The following PXDNL variants were observed in gnomAD, a reference collection of about 807,000 sequenced individuals.
PXDNL encodes the protein peroxidasin like.
A neutral mutation model predicts 150.8 loss-of-function variants in PXDNL; 145 were observed. That is an observed-to-expected ratio of 0.96 (90% CI 0.84 to 1.10). The LOEUF (loss-of-function observed/expected upper bound fraction) is 1.10, where lower values mean the gene tolerates loss of function less well. PXDNL is among the 50% of genes least tolerant of loss of function. PXDNL has a pLI of 0.00. For missense variants in PXDNL, 2,087 were observed against 1,873.9 expected, an observed-to-expected ratio of 1.11 and a Z score of -2.10; for synonymous variants, 757 against 725.7, an observed-to-expected ratio of 1.04 and a Z score of -0.69.
Position 51,691,965 on chromosome 8 carries a change from T to A in PXDNL, c.165-37205A>T, listed in dbSNP as rs956987102. Among the ~76,000 whole-genome samples, 9 of 152,244 alleles carry A rather than the reference T, an allele frequency of 5.9e-5. 1 individual carries two copies. Among genetic ancestry groups the A allele is most frequent in the Middle Eastern group, 6.8e-3 (2 of 294 alleles). On this transcript the variant is annotated intron_variant, in intron 1 of 22. Coordinates refer to ENST00000356297, the MANE Select transcript of PXDNL (RefSeq NM_144651.5). The stretch of plus-strand genomic sequence containing the variant: ...TCTCCATTGAATTTATAACCTAAAT[T>A]TGAATTGTTCATAGGTAGAACCAAT...
intron 14 of PXDNL, 71 bp downstream of exon 14, chr8:51,423,504 A>G: frequency 7.5e-7 from 1 of 1,330,220 alleles, no homozygotes; most frequent in Non-Finnish European, 1.0e-6. Flanking sequence ...GAGATCAGTC[A>G]AATAGGATTG....
chr8:51,741,449 T>G (rs575736082), intron 1 of PXDNL, among the ~76,000 whole-genome samples: 4 of 152,030 alleles, frequency 2.6e-5, no homozygotes, highest in Admixed American at 1.3e-4. Context: ...CTTTTTTATC[T>G]TTGTTAGTTT....
At chr8:51,491,465 T>C (rs1183969254) in intron 5 of PXDNL, among the ~76,000 whole-genome samples, 1 of 152,170 alleles carries the variant, frequency 6.6e-6, no homozygotes, top group Non-Finnish European at 1.5e-5. Flanking sequence ...AAGGTTAAAA[T>C]AGATGCAAAT....
At position 51,560,024 on chromosome 8, in the gene PXDNL, T is replaced by C. The variant is rs192366554; in HGVS notation, c.309-3113A>G. 3.8e-3 allele frequency among the ~76,000 whole-genome samples: 581 copies of C among 151,918 alleles called. 1 individual carries two copies. Among genetic ancestry groups the C allele is most frequent in the African/African-American group, 0.013 (550 of 41,490 alleles). Reference sequence around the variant, plus strand: ...ATAGAAATTTTGATCAAAATCTAAATAAAAAATCAAAAAGATATTTCTCAA... The same window carrying C: ...ATAGAAATTTTGATCAAAATCTAAACAAAAAATCAAAAAGATATTTCTCAA... On this transcript the variant is annotated intron_variant, in intron 3 of 22. Transcript: ENST00000356297.
intron 1 of PXDNL, among the ~76,000 whole-genome samples, chr8:51,797,743 T>C (rs1435716389): frequency 6.6e-6 from 1 of 152,162 alleles, no homozygotes; most frequent in Non-Finnish European, 1.5e-5. Flanking sequence ...AAAATGGCCA[T>C]ACTGCCCAAA....
chr8:51,760,565 A>C (rs2037150725), intron 1 of PXDNL, among the ~76,000 whole-genome samples: 1 of 152,204 alleles, frequency 6.6e-6, no homozygotes, highest in Admixed American at 6.5e-5. Context: ...ATGTATTGCA[A>C]TGAGATTTAG....
intron 2 of PXDNL, among the ~76,000 whole-genome samples, chr8:51,643,059 A>C (rs1814809843): frequency 6.6e-6 from 1 of 152,202 alleles, no homozygotes; most frequent in Admixed American, 6.5e-5. Flanking sequence ...AAACAAATGG[A>C]AGAATATTCC....
intron 2 of PXDNL, among the ~76,000 whole-genome samples, chr8:51,601,867 T>C (rs1299883761): frequency 1.3e-5 from 2 of 152,022 alleles, no homozygotes; most frequent in Admixed American, 1.3e-4. Context: ...TATCATTCTT[T>C]TGTTTCCATG....
At chr8:51,350,377 G>C (rs1187127009) in intron 19 of PXDNL, among the ~76,000 whole-genome samples, 1 of 9,156 alleles carries the variant, frequency 1.1e-4, no homozygotes, top group East Asian at 4.9e-3. Flanking sequence ...TTTTTTTTTT[G>C]AGAGGGAGTT....
intron 12 of PXDNL, among the ~76,000 whole-genome samples, chr8:51,438,215 A>G (rs886983846): frequency 1.3e-5 from 2 of 152,214 alleles, no homozygotes; most frequent in Non-Finnish European, 2.9e-5. Flanking sequence ...GGGGAGAATC[A>G]ATATTGTGAA....
intron 1 of PXDNL, among the ~76,000 whole-genome samples, chr8:51,720,630 T>C (rs1368840732): frequency 6.6e-6 from 1 of 152,254 alleles, no homozygotes; most frequent in Non-Finnish European, 1.5e-5. Flanking sequence ...CTCACTTGAA[T>C]AATCCCTAAA....
intron 2 of PXDNL, among the ~76,000 whole-genome samples, chr8:51,597,509 C>A (rs1056614964): frequency 6.6e-6 from 1 of 152,054 alleles, no homozygotes; most frequent in Non-Finnish European, 1.5e-5. Flanking sequence ...TCCATTTTAG[C>A]GGATATTGAT....
intron 2 of PXDNL, among the ~76,000 whole-genome samples, chr8:51,615,249 A>G (rs1399890507): frequency 6.6e-6 from 1 of 152,190 alleles, no homozygotes; most frequent in Non-Finnish European, 1.5e-5. Context: ...ACTCATTTAA[A>G]AAAAATCCTT....
intron 1 of PXDNL, among the ~76,000 whole-genome samples, chr8:51,765,192 A>G (rs910776984): frequency 6.6e-6 from 1 of 152,100 alleles, no homozygotes; most frequent in African/African-American, 2.4e-5. Context: ...CATAATTCCC[A>G]CATGTTGTGG....
At chr8:51,411,215 C>G in intron 16 of PXDNL, 35 bp downstream of exon 16, 1 of 1,387,116 alleles carries the variant, frequency 7.2e-7, no homozygotes, top group Non-Finnish European at 9.4e-7. Context: ...TTTCTGTGGG[C>G]AGTAGGCTGA....
intron 1 of PXDNL, among the ~76,000 whole-genome samples, chr8:51,751,909 A>C (rs2037048943): frequency 6.6e-6 from 1 of 152,200 alleles, no homozygotes. Flanking sequence ...GAACAAACTG[A>C]GGGTTGGGCT....
chr8:51,524,373 AT>A (rs1172248481), intron 4 of PXDNL, among the ~76,000 whole-genome samples: 1 of 152,186 alleles, frequency 6.6e-6, no homozygotes, highest in Admixed American at 6.5e-5. Context: ...TTGGAAATAA[AT>A]TTTTATGGCT....
At chr8:51,441,431 C>T (rs1809546322) in intron 12 of PXDNL, among the ~76,000 whole-genome samples, 1 of 152,128 alleles carries the variant, frequency 6.6e-6, no homozygotes. Context: ...AATTACTTCC[C>T]TAGTTAGATG....
At chr8:51,798,868 G>C (rs1008988836) in intron 1 of PXDNL, among the ~76,000 whole-genome samples, 1 of 151,848 alleles carries the variant, frequency 6.6e-6, no homozygotes, top group African/African-American at 2.4e-5. Flanking sequence ...CCTAGAATCA[G>C]AAATACCATT....
Sources: gnomAD v4.1 joint callset for allele counts (sites outside exome capture counted in the v4.1 genomes callset) on GRCh38, gnomAD v4.1.1 for gene constraint, MANE v1.5 for transcripts, NCBI Gene and HGNC (gene_info 2026-07-23, HGNC 2026-07-21) for gene names.